The following OTOGL variants were observed in gnomAD, a reference collection of about 807,000 sequenced individuals.
OTOGL encodes the protein otogelin-like protein.
In OTOGL, 285 loss-of-function variants were observed where a neutral mutation model predicts 318.5. That is an observed-to-expected ratio of 0.89 (90% CI 0.81 to 0.99). The LOEUF (loss-of-function observed/expected upper bound fraction) is 0.99, where lower values mean the gene tolerates loss of function less well. OTOGL is among the 50% of genes least tolerant of loss of function. The pLI is 0.00. For synonymous variants in OTOGL, 987 were observed against 936.5 expected, an observed-to-expected ratio of 1.05 and a Z score of -0.99; for missense variants, 2,899 against 2,845.6, an observed-to-expected ratio of 1.02 and a Z score of -0.43.
At chr12:80,284,681 T>A (rs756941743) in intron 26 of OTOGL, among the ~76,000 whole-genome samples, 5 of 152,240 alleles carry the variant, frequency 3.3e-5, no homozygotes, top group Admixed American at 1.3e-4. Flanking sequence ...TGTCTTCTTT[T>A]GAGAAGTGTC....
At chr12:80,184,546 G>A (rs1292093392) in intron 1 of OTOGL, among the ~76,000 whole-genome samples, 2 of 152,096 alleles carry the variant, frequency 1.3e-5, no homozygotes, top group African/African-American at 4.8e-5. Flanking sequence ...AGACTTTCTA[G>A]GAAAGGGAAG....
intron 28 of OTOGL, among the ~76,000 whole-genome samples, chr12:80,304,465 T>C (rs1388832680): frequency 1.3e-5 from 2 of 152,160 alleles, no homozygotes; most frequent in Admixed American, 1.3e-4. Context: ...GATATAATTT[T>C]TGTCAAAGAA....
chr12:80,146,675 A>G (rs1487245126), intron 1 of OTOGL, among the ~76,000 whole-genome samples: 1 of 151,920 alleles, frequency 6.6e-6, no homozygotes, highest in Non-Finnish European at 1.5e-5. Context: ...TCAGCTGTGA[A>G]TCCATCTGGT....
At chr12:80,139,565 G>A (rs1871794506) in intron 1 of OTOGL, among the ~76,000 whole-genome samples, 2 of 151,850 alleles carry the variant, frequency 1.3e-5, no homozygotes, top group South Asian at 2.1e-4. Flanking sequence ...CTAAGTTTTT[G>A]TTGTTTGTTT....
intron 1 of OTOGL, chr12:80,208,058 G>T: frequency 2.4e-6 from 1 of 413,798 alleles, no homozygotes; most frequent in East Asian, 7.2e-5. Context: ...GTGTGAATGT[G>T]TGTGTACATG....
At chr12:80,308,506 C>T (rs1234015101) in intron 29 of OTOGL, among the ~76,000 whole-genome samples, 2 of 151,930 alleles carry the variant, frequency 1.3e-5, no homozygotes, top group African/African-American at 2.4e-5. Context: ...CAGAGGGGCT[C>T]CTCACATCCC....
chr12:80,125,230 G>T (rs1238826956), intron 1 of OTOGL, among the ~76,000 whole-genome samples: 1 of 152,196 alleles, frequency 6.6e-6, no homozygotes, highest in Non-Finnish European at 1.5e-5. Context: ...CTAATTTATT[G>T]AGAGTTTTTA....
chr12:80,148,041 T>A (rs1173442911), intron 1 of OTOGL, among the ~76,000 whole-genome samples: 1 of 152,106 alleles, frequency 6.6e-6, no homozygotes, highest in Non-Finnish European at 1.5e-5. Context: ...TTGGAGCATT[T>A]AGTCCATTTA....
intron 19 of OTOGL, among the ~76,000 whole-genome samples, chr12:80,262,805 G>A (rs1882653833): frequency 2.0e-5 from 3 of 152,004 alleles, no homozygotes; most frequent in Non-Finnish European, 2.9e-5. Flanking sequence ...ACATACACAT[G>A]TATATATATA....
chr12:80,328,055 G>A (rs1316488454), intron 35 of OTOGL, among the ~76,000 whole-genome samples: 1 of 150,650 alleles, frequency 6.6e-6, no homozygotes, highest in East Asian at 2.0e-4. Context: ...CAGGGCTAAT[G>A]CCTGTAATCC....
chr12:80,174,124 T>G (rs562018006), intron 1 of OTOGL, among the ~76,000 whole-genome samples: 1 of 152,210 alleles, frequency 6.6e-6, no homozygotes, highest in Admixed American at 6.5e-5. Flanking sequence ...TAAACCATGC[T>G]GATTTGGAGT....
intron 1 of OTOGL, chr12:80,133,419 C>A (rs1871355903): frequency 6.6e-6 from 1 of 152,176 alleles, no homozygotes; most frequent in African/African-American, 2.4e-5. Context: ...AAACTCTGAT[C>A]ACCTGCACTT....
chr12:80,233,070 C>T lies in OTOGL; in HGVS notation c.790C>T (p.Gln264Ter), dbSNP rs1879519642. 6.3e-7 allele frequency: 1 copy of T among 1,596,210 alleles called. No individual in the cohort carries two copies. The highest frequency in any genetic ancestry group is 8.5e-7 in the Non-Finnish European group (1 of 1,176,906). The change falls in exon 9 of 59, where the codon CAA (glutamine) becomes TAA (stop). Residue 264 changes from glutamine (Q) to a stop codon, truncating the protein, a stop_gained. Coordinates refer to ENST00000547103, the MANE Select transcript of OTOGL (RefSeq NM_001378609.3). LOFTEE classifies it high-confidence loss of function. ...CGLCGNYNDI[Q>*]SDDFIILQED... ...CCTATGTGGAAACTACAATGACATT[C>T]AATCTGATGATTTCATAATTCTGCA...
chr12:80,262,964 C>T (rs554904812), intron 19 of OTOGL, among the ~76,000 whole-genome samples: 1 of 152,070 alleles, frequency 6.6e-6, no homozygotes, highest in East Asian at 1.9e-4. Context: ...GCACAGTTTA[C>T]GGATCATGCG....
rs375356741 is a variant in OTOGL at position 80,251,765 on chromosome 12, T to C, written c.1125T>C (p.Pro375=). The C allele has an allele frequency of 1.0e-5, 16 of 1,588,680 alleles. No homozygotes were observed. Among genetic ancestry groups the C allele is most frequent in the East Asian group, 2.3e-5 (1 of 44,190 alleles). ...YARACSHAGY[P]IQDWRDDFPA... ...GAGCCTGCTCTCATGCTGGCTACCCTATTCAAGACTGGAGAGATGACTTTC... is the reference window on the plus strand; with the variant it reads ...GAGCCTGCTCTCATGCTGGCTACCCCATTCAAGACTGGAGAGATGACTTTC... Residue 375 remains proline (P), a synonymous_variant, in exon 12 of 59, where the codon CCT becomes CCC. Coordinates refer to ENST00000547103, the MANE Select transcript of OTOGL (RefSeq NM_001378609.3).
At chr12:80,149,874 C>T (rs1164918091) in intron 1 of OTOGL, among the ~76,000 whole-genome samples, 1 of 152,154 alleles carries the variant, frequency 6.6e-6, no homozygotes. Flanking sequence ...TGACCCCTTG[C>T]ACTTCCCGAG....
At chr12:80,282,306 C>T (rs558714018) in intron 26 of OTOGL, among the ~76,000 whole-genome samples, 36 of 151,968 alleles carry the variant, frequency 2.4e-4, no homozygotes, top group African/African-American at 8.4e-4. Context: ...AGAAAACAGA[C>T]TATCTTCTAT....
At chr12:80,253,408 A>G in intron 13 of OTOGL, 58 bp from the exon 14 acceptor site, 1 of 1,450,754 alleles carries the variant, frequency 6.9e-7, no homozygotes, top group South Asian at 1.2e-5. Context: ...ATTATATTCC[A>G]GAAATACAAT....
intron 47 of OTOGL, 116 bp from the exon 48 acceptor site, chr12:80,356,300 G>A (rs766595672): frequency 6.6e-6 from 5 of 756,760 alleles, no homozygotes; most frequent in African/African-American, 1.8e-5. Context: ...CATGCATAAT[G>A]AGAGTCATTT....
Sources: gnomAD v4.1 joint callset for allele counts (sites outside exome capture counted in the v4.1 genomes callset) on GRCh38, gnomAD v4.1.1 for gene constraint, MANE v1.5 for transcripts, NCBI Gene and HGNC (gene_info 2026-07-23, HGNC 2026-07-21) for gene names.